The following RPS6KA2 variants were observed in gnomAD, a reference collection of about 807,000 sequenced individuals.
The protein encoded by RPS6KA2 is ribosomal protein S6 kinase alpha-2.
Under a neutral mutation model 91.8 loss-of-function variants are expected in RPS6KA2, and 42 were observed. That is an observed-to-expected ratio of 0.46 (90% confidence interval 0.36 to 0.59). The LOEUF (loss-of-function observed/expected upper bound fraction) is 0.59. Among genes scored for constraint, RPS6KA2 ranks in the 20% least tolerant of loss-of-function variants. RPS6KA2 has a pLI of 0.00. For missense variants in RPS6KA2, 798 were observed against 978.5 expected (o/e 0.82, Z 2.46); for synonymous variants, 414 against 393.6 (o/e 1.05, Z -0.61).
At position 166,557,976 on chromosome 6, in the gene RPS6KA2, G is replaced by T. The variant is rs1784224680; in HGVS notation, c.100-19192C>A. Among the ~76,000 whole-genome samples the T allele has an allele frequency of 7.8e-6, 1 of 127,784 alleles. No individual in the cohort carries two copies. Among genetic ancestry groups the T allele is most frequent in the African/African-American group, 2.6e-5 (1 of 37,950 alleles). 83.8% of individuals were successfully genotyped at this position (127,784 alleles called of 152,430 possible). ...GAGATGTATATGTATATACAGAGGG[G>T]TGTGTGTGTGTGTGTATATATGTAT... On this transcript the variant is annotated intron_variant, in intron 1 of 20. Coordinates refer to ENST00000265678, the MANE Select transcript of RPS6KA2 (RefSeq NM_021135.6). This position sits in a 1 kb window ranked among gnomAD's most constrained non-coding sequence, Gnocchi z 4.8.
chr6:166,630,217 G>A (rs1787030833), upstream of RPS6KA2, among the ~76,000 whole-genome samples: 1 of 152,196 alleles, frequency 6.6e-6, no homozygotes, highest in South Asian at 2.1e-4. Context: ...GGCACCTTGT[G>A]GGTAAGGCTG....
chr6:166,818,897 A>G (rs1779835823), intron 2 of RPS6KA2, among the ~76,000 whole-genome samples: 1 of 151,912 alleles, frequency 6.6e-6, no homozygotes, highest in African/African-American at 2.4e-5. Flanking sequence ...CTCATCTTGT[A>G]TGTCGCCTGC....
intron 16 of RPS6KA2, among the ~76,000 whole-genome samples, chr6:166,430,020 CTA>C (rs1779066222): frequency 6.7e-6 from 1 of 149,838 alleles, no homozygotes; most frequent in South Asian, 2.1e-4. Context: ...TGCAATGGTG[CTA>C]TCTCAGCTCA....
At position 166,539,847 on chromosome 6, in the gene RPS6KA2, T is replaced by C. The variant is rs566785848; in HGVS notation, c.100-1063A>G. Among the ~76,000 whole-genome samples, 266 of 152,352 alleles carry C rather than the reference T, an allele frequency of 1.7e-3. 1 individual carries two copies. Among genetic ancestry groups the C allele is most frequent in the South Asian group, 5.2e-3 (25 of 4,826 alleles). On this transcript the variant is annotated intron_variant, in intron 1 of 20. Transcript: ENST00000265678. ...CCCAACTGTTCCTTGAATTTATCTC[T>C]GCATTTCTCTGAGATTTCTGTTCCA...
At chr6:166,597,375 T>C (rs1409305862) in intron 1 of RPS6KA2, among the ~76,000 whole-genome samples, 1 of 151,822 alleles carries the variant, frequency 6.6e-6, no homozygotes, top group Non-Finnish European at 1.5e-5. Flanking sequence ...AAGAGACAAA[T>C]GTGAAGCCAA....
At chr6:166,501,313 G>A (rs1408348886) in intron 6 of RPS6KA2, among the ~76,000 whole-genome samples, 1 of 152,222 alleles carries the variant, frequency 6.6e-6, no homozygotes, top group Non-Finnish European at 1.5e-5. Flanking sequence ...CTCGCAGATG[G>A]AATGTTTCTG....
Position 166,635,804 on chromosome 6 carries a change from G to C in RPS6KA2, c.124-97020C>G, listed in dbSNP as rs990688438. ...GACAAGCCACCATCCCCACCCTGGGGAGAAGGCTGCATCCACCCCAGGAGG... is the reference window on the plus strand; with the variant it reads ...GACAAGCCACCATCCCCACCCTGGGCAGAAGGCTGCATCCACCCCAGGAGG... On this transcript the variant is annotated intron_variant, in intron 2 of 21. Transcript: ENST00000503859. This position sits in a 1 kb window ranked among gnomAD's most constrained non-coding sequence, Gnocchi z 4.8. 1.3e-5 allele frequency among the ~76,000 whole-genome samples: 2 copies of C among 152,030 alleles called. 1 individual carries two copies. The highest frequency in any genetic ancestry group is 2.9e-5 in the Non-Finnish European group (2 of 67,954).
chr6:166,638,680 G>C (rs1245726740), intron 2 of RPS6KA2, among the ~76,000 whole-genome samples: 1 of 152,200 alleles, frequency 6.6e-6, no homozygotes, highest in Non-Finnish European at 1.5e-5. Context: ...TGAGTCTCTA[G>C]AACAGTGGTT....
At position 166,767,444 on chromosome 6, in the gene RPS6KA2, C is replaced by A. The variant is rs1202937803; in HGVS notation, c.123+90756G>T. ...CGTGGTTAGAGGAAGACAAAAAGGA[C>A]AGAGAAGCCAGCTCGCGCTCCCTTC... On this transcript the variant is annotated intron_variant, in intron 2 of 21. Coordinates refer to the RPS6KA2 transcript ENST00000503859. This position sits in a 1 kb window ranked among gnomAD's most constrained non-coding sequence, Gnocchi z 4.6. 1.3e-5 allele frequency among the ~76,000 whole-genome samples: 2 copies of A among 152,160 alleles called. No individual in the cohort carries two copies.
In RPS6KA2 at chr6:166,500,791, G is replaced by A. The variant is rs892397984; in HGVS notation, c.604+96C>T. 5.4e-6 allele frequency: 6 copies of A among 1,108,786 alleles called. No homozygotes were observed. The Admixed American group carries it at 5.5e-5, about 10-fold the overall frequency. The allele number at this position is 1,108,786 out of a possible 1,614,324, so 68.7% of individuals were successfully genotyped here. On this transcript the variant is annotated intron_variant, in intron 7 of 20. Coordinates refer to ENST00000265678, the MANE Select transcript of RPS6KA2 (RefSeq NM_021135.6). This position sits in a 1 kb window ranked among gnomAD's most constrained non-coding sequence, Gnocchi z 4.3. ...GAGACAAGCATCTGGCAAAGGGAAG[G>A]GCGGTGTAAATAAGAGGGCTTGGGC... is the stretch of plus-strand genomic sequence containing the variant.
chr6:166,466,161 A>G (rs1780512550), intron 11 of RPS6KA2, among the ~76,000 whole-genome samples: 1 of 152,220 alleles, frequency 6.6e-6, no homozygotes, highest in Admixed American at 6.5e-5. Flanking sequence ...TTCCTTTGAA[A>G]TCACGCAGAA....
chr6:166,757,833 C>T, intron 2 of RPS6KA2: 1 of 302,204 alleles, frequency 3.3e-6, no homozygotes, highest in South Asian at 2.7e-5. Flanking sequence ...CCCCGCTTTG[C>T]AAACTCAGAA....
chr6:166,692,152 G>T (rs1233628582), intron 2 of RPS6KA2, among the ~76,000 whole-genome samples: 1 of 152,126 alleles, frequency 6.6e-6, no homozygotes, highest in Non-Finnish European at 1.5e-5. Context: ...TCCCACAAGT[G>T]TCCCCTGTCA....
rs1230305694 is a variant in RPS6KA2 at position 166,557,782 on chromosome 6, T to C, written c.100-18998A>G. ...GTCTCTATATACAGACTTTCCTCAC[T>C]CTGTGAACCCTCACTATCCTAATAT... On this transcript the variant is annotated intron_variant, in intron 1 of 20. Coordinates refer to ENST00000265678, the MANE Select transcript of RPS6KA2 (RefSeq NM_021135.6). The surrounding 1 kb of genome is among the most constrained non-coding windows in gnomAD (Gnocchi z 4.8). 6.6e-6 allele frequency among the ~76,000 whole-genome samples: 1 copy of C among 152,172 alleles called. No individual in the cohort carries two copies. Among genetic ancestry groups the C allele is most frequent in the African/African-American group, 2.4e-5 (1 of 41,420 alleles).
At position 166,770,934 on chromosome 6, in the gene RPS6KA2, A is replaced by G; in HGVS notation, c.123+87266T>C. On this transcript the variant is annotated intron_variant, in intron 2 of 21. Coordinates refer to the RPS6KA2 transcript ENST00000503859. This position sits in a 1 kb window ranked among gnomAD's most constrained non-coding sequence, Gnocchi z 5.1. ...TTGCCCTGTGAAAATGGAAACGAAG[A>G]AAGAATTCCTTTAAGTCACAGGACG... The G allele has an allele frequency of 6.3e-7, 1 of 1,592,660 alleles. No homozygotes were observed. The highest frequency in any genetic ancestry group is 2.2e-5 in the East Asian group (1 of 44,858).
chr6:166,499,084 G>C (rs1012373693), intron 7 of RPS6KA2, among the ~76,000 whole-genome samples: 3 of 152,214 alleles, frequency 2.0e-5, no homozygotes, highest in African/African-American at 7.2e-5. Flanking sequence ...GGAAGGCAGA[G>C]TGTGGCGAAC....
At chr6:166,657,362 G>C (rs1788032988) in intron 2 of RPS6KA2, among the ~76,000 whole-genome samples, 1 of 151,964 alleles carries the variant, frequency 6.6e-6, no homozygotes, top group African/African-American at 2.4e-5. Context: ...CTTTAGGGAA[G>C]CTTTAAACAG....
chr6:166,672,076 C>T (rs2128561331), intron 2 of RPS6KA2, among the ~76,000 whole-genome samples: 1 of 152,208 alleles, frequency 6.6e-6, no homozygotes, highest in East Asian at 1.9e-4. Flanking sequence ...CTAGTTGCTG[C>T]TGGATTAGAG....
intron 2 of RPS6KA2, among the ~76,000 whole-genome samples, chr6:166,688,216 G>A (rs1583021588): frequency 1.3e-5 from 2 of 152,250 alleles, no homozygotes; most frequent in East Asian, 3.9e-4. Flanking sequence ...TGTCTGCTCT[G>A]CCTGCCTCCG....
Sources: gnomAD v4.1 joint callset for allele counts (sites outside exome capture counted in the v4.1 genomes callset) on GRCh38, gnomAD v4.1.1 for gene constraint, Gnocchi (gnomAD v3.1) non-coding constraint, MANE v1.5 for transcripts, NCBI Gene and HGNC (gene_info 2026-07-23, HGNC 2026-07-21) for gene names.